Variants in CCDC39 observed in about 807,000 individuals in gnomAD.
CCDC39 encodes the protein coiled-coil domain 39 molecular ruler complex subunit, also known as coiled-coil domain-containing protein 39.
CCDC39 carries 113 observed loss-of-function variants against 121.0 expected under a neutral mutation model. That is an observed-to-expected ratio of 0.93 (90% confidence interval 0.80 to 1.09). CCDC39 has a LOEUF of 1.09. Ranked by LOEUF, CCDC39 falls within the 50% of genes least tolerant of loss-of-function variation. The probability of loss-of-function intolerance (pLI) is 0.00; values close to 1 mark genes in which losing one functional copy is unlikely to be tolerated. For missense variants in CCDC39, 1,063 were observed against 1,074.7 expected (o/e 0.99, Z 0.15); for synonymous variants, 349 against 352.2 (o/e 0.99, Z 0.10).
At position 180,644,164 on chromosome 3, in the gene CCDC39, C is replaced by T. The variant is rs764908281; in HGVS notation, c.1621G>A (p.Asp541Asn). ...TKINELNLFIDRSEKELDKAK... is the reference protein window; with the variant it reads ...TKINELNLFINRSEKELDKAK... ...TTATCAAGTTCTTTCTCTGATCTGT[C>T]GATGAAAAGGTTTAGTTCATTTATT... Residue 541 changes from aspartate to asparagine, a missense_variant, in exon 12 of 20, where the codon GAC becomes AAC. Physicochemically the swap from Asp to Asn is conservative, Grantham distance 23. Coordinates refer to ENST00000476379, the MANE Select transcript of CCDC39 (RefSeq NM_181426.2). 1.5e-5 allele frequency: 23 copies of T among 1,543,718 alleles called. No individual in the cohort carries two copies. The Middle Eastern group carries it at 8.3e-4, about 56-fold the overall frequency.
chr3:180,651,143 C>T (rs1222860857), intron 9 of CCDC39, among the ~76,000 whole-genome samples: 1 of 151,802 alleles, frequency 6.6e-6, no homozygotes, highest in African/African-American at 2.4e-5. Flanking sequence ...TGCAGTGAGC[C>T]AAGATCTCGC....
chr3:180,661,245 G>A (rs1711735043), intron 3 of CCDC39, among the ~76,000 whole-genome samples: 1 of 151,780 alleles, frequency 6.6e-6, no homozygotes, highest in African/African-American at 2.4e-5. Flanking sequence ...TGTATATTTA[G>A]TCACTTAACA....
At chr3:180,647,301 T>C in intron 10 of CCDC39, 58 bp from the exon 11 acceptor site, 1 of 1,427,476 alleles carries the variant, frequency 7.0e-7, no homozygotes. Context: ...TTTCTACAAG[T>C]GTAAAAACAA....
intron 8 of CCDC39, among the ~76,000 whole-genome samples, 193 bp downstream of exon 8, chr3:180,651,970 G>A (rs1711500997): frequency 6.6e-6 from 1 of 151,776 alleles, no homozygotes; most frequent in Non-Finnish European, 1.5e-5. Flanking sequence ...CCAGGAGGCG[G>A]AGCTTGCAGT....
intron 6 of CCDC39, among the ~76,000 whole-genome samples, chr3:180,655,630 G>A (rs1711561715): frequency 6.6e-6 from 1 of 152,104 alleles, no homozygotes; most frequent in Admixed American, 6.6e-5. Context: ...CATGAATGGG[G>A]TTGCATAAAT....
At chr3:180,623,545 GGTT>G (rs1424439037) in intron 14 of CCDC39, among the ~76,000 whole-genome samples, 11 of 151,842 alleles carry the variant, frequency 7.2e-5, no homozygotes, top group African/African-American at 2.2e-4. Flanking sequence ...TGCAGTGTTA[GGTT>G]GTTAATTGAT....
At chr3:180,617,514 G>A (rs1257192210) in intron 16 of CCDC39, 2 of 662,410 alleles carry the variant, frequency 3.0e-6, no homozygotes, top group Non-Finnish European at 5.5e-6. Flanking sequence ...CCTTCAAGTG[G>A]GACAAGATAT....
chr3:180,651,636 G>GT (rs978712627), intron 8 of CCDC39, 103 bp from the exon 9 acceptor site: 16 of 1,117,106 alleles, frequency 1.4e-5, no homozygotes, highest in Middle Eastern at 3.1e-4. Context: ...ACTTGAAGGG[G>GT]TTTTTTGCGT....
At chr3:180,669,210 T>C (rs1458822896) in intron 1 of CCDC39, among the ~76,000 whole-genome samples, 2 of 152,052 alleles carry the variant, frequency 1.3e-5, no homozygotes, top group Admixed American at 6.6e-5. Context: ...GGCTGATTTA[T>C]TTATCTTTAC....
intron 1 of CCDC39, among the ~76,000 whole-genome samples, chr3:180,677,187 T>TAA (rs1334507133): frequency 1.1e-5 from 1 of 91,312 alleles, no homozygotes; most frequent in Non-Finnish European, 2.2e-5. Context: ...TATATATATA[T>TAA]ATATATATAT....
At chr3:180,672,701 T>C (rs1273492680) in intron 1 of CCDC39, among the ~76,000 whole-genome samples, 1 of 152,204 alleles carries the variant, frequency 6.6e-6, no homozygotes, top group Non-Finnish European at 1.5e-5. Flanking sequence ...TAACAGAACA[T>C]TCTGCAGCCC....
intron 1 of CCDC39, among the ~76,000 whole-genome samples, chr3:180,677,167 TTTATATATATA>T (rs1712246617): frequency 2.8e-5 from 2 of 72,248 alleles, no homozygotes; most frequent in Non-Finnish European, 4.7e-5. Context: ...TAATAATAAT[TTTATATATATA>T]TATATATATA....
chr3:180,667,374 G>C (rs1711909076), intron 1 of CCDC39, among the ~76,000 whole-genome samples: 1 of 152,110 alleles, frequency 6.6e-6, no homozygotes, highest in Non-Finnish European at 1.5e-5. Context: ...ACAAAGTGAA[G>C]GTTTGTGGCA....
rs192559236 is a variant in CCDC39, at chr3:180,664,882, A to G, written c.91-896T>C. Among the ~76,000 whole-genome samples, 22 of 142,846 alleles carry G rather than the reference A, an allele frequency of 1.5e-4. No homozygotes were observed. In the East Asian group the frequency reaches 4.4e-3, roughly 28 times the overall value. 93.7% of individuals were successfully genotyped at this position (142,846 alleles called of 152,430 possible). A position where few individuals can be genotyped will look rare whatever the true frequency, so the allele number is the denominator to read the frequency against. On this transcript the variant is annotated intron_variant, in intron 1 of 19. Coordinates refer to ENST00000476379, the MANE Select transcript of CCDC39 (RefSeq NM_181426.2). Reference sequence around the variant, plus strand: ...TGGCTAATTTTTTTTTTTTTTTGGTATTTTTAGTAGAGAAGGTGTTTCACC... The same window carrying G: ...TGGCTAATTTTTTTTTTTTTTTGGTGTTTTTAGTAGAGAAGGTGTTTCACC...
intron 3 of CCDC39, 100 bp downstream of exon 3, chr3:180,661,761 T>C (rs1711747046): frequency 1.9e-6 from 2 of 1,028,042 alleles, no homozygotes; most frequent in Non-Finnish European, 1.4e-6. Flanking sequence ...AGGAAACTAA[T>C]GTATGCCTTT....
intron 1 of CCDC39, among the ~76,000 whole-genome samples, chr3:180,665,053 G>A (rs942579943): frequency 1.4e-4 from 22 of 152,032 alleles, no homozygotes; most frequent in African/African-American, 5.3e-4. Context: ...CTAACAAGAT[G>A]TAACAAAAAC....
intron 9 of CCDC39, 82 bp from the exon 10 acceptor site, chr3:180,648,441 C>G: frequency 1.9e-6 from 2 of 1,036,022 alleles, no homozygotes; most frequent in Non-Finnish European, 2.7e-6. Flanking sequence ...TTTAGAAACT[C>G]AAATAAATTT....
chr3:180,640,630 T>G (rs1717933433), intron 13 of CCDC39, among the ~76,000 whole-genome samples: 1 of 152,040 alleles, frequency 6.6e-6, no homozygotes, highest in Non-Finnish European at 1.5e-5. Flanking sequence ...AACTATTAAC[T>G]AATAAAATTA....
intron 16 of CCDC39, chr3:180,617,812 T>A: frequency 4.4e-6 from 1 of 225,668 alleles, no homozygotes; most frequent in Non-Finnish European, 8.6e-6. Context: ...ATAAAATTAT[T>A]TTTATGAATT....
Sources: gnomAD v4.1 joint callset for allele counts (sites outside exome capture counted in the v4.1 genomes callset) on GRCh38, gnomAD v4.1.1 for gene constraint, MANE v1.5 for transcripts, NCBI Gene and HGNC (gene_info 2026-07-23, HGNC 2026-07-21) for gene names.